Variants in MGAM2 observed in about 807,000 individuals in gnomAD.
MGAM2 encodes probable maltase-glucoamylase 2.
MGAM2 carries 98 observed loss-of-function variants against 96.1 expected under a neutral mutation model. The observed-to-expected ratio is 1.02, with a 90% confidence interval of 0.87 to 1.21. The LOEUF (loss-of-function observed/expected upper bound fraction) is 1.21. MGAM2 is among the 50% of genes most tolerant of loss of function. The probability of loss-of-function intolerance (pLI) is 0.00; values close to 1 mark genes in which losing one functional copy is unlikely to be tolerated. For synonymous variants in MGAM2, 749 were observed against 414.8 expected, an observed-to-expected ratio of 1.81 and a Z score of -9.79; for missense variants, 2,055 against 1,182.4, an observed-to-expected ratio of 1.74 and a Z score of -10.82.
chr7:142,176,751 A>T (rs1245968096), intron 32 of MGAM2, among the ~76,000 whole-genome samples: 1 of 152,210 alleles, frequency 6.6e-6, no homozygotes, highest in Non-Finnish European at 1.5e-5. Flanking sequence ...CTCTGGAAAC[A>T]TGATAAATTG....
intron 10 of MGAM2, among the ~76,000 whole-genome samples, chr7:142,139,157 T>C (rs773746001): frequency 1.3e-5 from 2 of 152,206 alleles, no homozygotes; most frequent in African/African-American, 2.4e-5. Flanking sequence ...TGACCTCATA[T>C]ACTCCTCCCA....
chr7:142,187,903 T>C, intron 36 of MGAM2, 69 bp downstream of exon 36: 1 of 674,708 alleles, frequency 1.5e-6, no homozygotes, highest in Non-Finnish European at 2.7e-6. Flanking sequence ...CCTTTTACTG[T>C]CAAAGTGAAG....
At chr7:142,201,655 C>T (rs1230370295) in intron 45 of MGAM2, among the ~76,000 whole-genome samples, 29 of 152,130 alleles carry the variant, frequency 1.9e-4, no homozygotes, top group Admixed American at 1.9e-3. Flanking sequence ...TGCAGTTAGC[C>T]TACAATAGTT....
intron 23 of MGAM2, among the ~76,000 whole-genome samples, chr7:142,164,370 A>T (rs1795970771): frequency 6.6e-6 from 1 of 152,308 alleles, no homozygotes; most frequent in East Asian, 1.9e-4. Context: ...CTGCCGTGAA[A>T]ACTGAATGAA....
At chr7:142,123,120 C>A (rs927763954) in intron 3 of MGAM2, among the ~76,000 whole-genome samples, 62 of 152,164 alleles carry the variant, frequency 4.1e-4, no homozygotes, top group African/African-American at 1.4e-3. Flanking sequence ...CCGCGCCCGA[C>A]CTCAAAATTA....
At chr7:142,141,765 G>A (rs1795238052) in intron 12 of MGAM2, among the ~76,000 whole-genome samples, 1 of 152,130 alleles carries the variant, frequency 6.6e-6, no homozygotes, top group Admixed American at 6.5e-5. Flanking sequence ...CTCCCAAACT[G>A]CTGGGATTAC....
At chr7:142,144,803 C>T (rs1367460818) in intron 13 of MGAM2, 58 bp from the exon 14 acceptor site, 5 of 661,750 alleles carry the variant, frequency 7.6e-6, no homozygotes, top group Non-Finnish European at 1.4e-5. Context: ...AAGCGTTTCT[C>T]AACAGCTAAA....
rs908411949 is a variant in MGAM2 at position 142,176,111 on chromosome 7, G to T, written c.3816+331G>T. Among the ~76,000 whole-genome samples the T allele has an allele frequency of 4.0e-5, 5 of 125,600 alleles. No individual in the cohort carries two copies. In the South Asian group the frequency reaches 1.2e-3, roughly 29 times the overall value. 82.4% of individuals were successfully genotyped at this position (125,600 alleles called of 152,430 possible). On this transcript the variant is annotated intron_variant, in intron 32 of 47. Coordinates refer to ENST00000477922, the MANE Select transcript of MGAM2 (RefSeq NM_001293626.2). ...TGAAGATAGCAAAAAAAAAAAAAGG[G>T]GGGGGCATCTCACTGTTTCAGGCTA...
chr7:142,205,701 C>T (rs1797382478), intron 45 of MGAM2, among the ~76,000 whole-genome samples: 1 of 152,074 alleles, frequency 6.6e-6, no homozygotes, highest in South Asian at 2.1e-4. Context: ...TAGAATTTAG[C>T]TAAAAGTCCC....
intron 31 of MGAM2, among the ~76,000 whole-genome samples, chr7:142,175,204 G>A (rs937177085): frequency 1.3e-5 from 2 of 152,110 alleles, no homozygotes; most frequent in South Asian, 4.1e-4. Flanking sequence ...TGTGAGATAT[G>A]TTCCTTTAGT....
intron 46 of MGAM2, among the ~76,000 whole-genome samples, chr7:142,213,695 C>A (rs1458878133): frequency 6.6e-6 from 1 of 152,034 alleles, no homozygotes; most frequent in Non-Finnish European, 1.5e-5. Context: ...GCCTACCAAC[C>A]AAAACAGCCC....
intron 45 of MGAM2, among the ~76,000 whole-genome samples, chr7:142,207,755 A>G (rs993351985): frequency 2.0e-5 from 3 of 152,134 alleles, no homozygotes; most frequent in African/African-American, 7.2e-5. Flanking sequence ...TTTAAGATGT[A>G]TGGTAATAAA....
At chr7:142,126,531 T>C (rs994365430) in intron 3 of MGAM2, among the ~76,000 whole-genome samples, 7 of 152,228 alleles carry the variant, frequency 4.6e-5, no homozygotes, top group Non-Finnish European at 2.9e-5. Context: ...TTCACAATTT[T>C]TCATGGTCAC....
intron 23 of MGAM2, among the ~76,000 whole-genome samples, chr7:142,164,430 C>T (rs1206598942): frequency 6.6e-6 from 1 of 152,138 alleles, no homozygotes; most frequent in East Asian, 1.9e-4. Flanking sequence ...AATACACACT[C>T]AGATTATTCT....
At chr7:142,201,799 G>A (rs1585213441) in intron 45 of MGAM2, among the ~76,000 whole-genome samples, 2 of 152,204 alleles carry the variant, frequency 1.3e-5, no homozygotes, top group Middle Eastern at 3.4e-3. Context: ...TAAAGTACAC[G>A]GGAGGATGTG....
intron 28 of MGAM2, among the ~76,000 whole-genome samples, chr7:142,171,717 C>T (rs1487042992): frequency 1.4e-5 from 2 of 141,760 alleles, no homozygotes; most frequent in African/African-American, 2.7e-5. Context: ...TTTTATTTAT[C>T]TCACAAACTT....
chr7:142,183,436 C>G (rs1189143696), intron 33 of MGAM2, 63 bp downstream of exon 33: 2 of 680,128 alleles, frequency 2.9e-6, no homozygotes, highest in African/African-American at 1.8e-5. Context: ...TAAAACAGCT[C>G]TCAATACACA....
chr7:142,221,031 C>T lies in MGAM2; in HGVS notation c.6520C>T (p.Pro2174Ser), dbSNP rs1234266307. Residue 2174 changes from proline to serine, a missense_variant, in exon 48 of 48, where the codon CCT (proline) becomes TCT (serine). Transcript: ENST00000477922. ...TCATACAAGTACTGATGATACTGTTCCTAATAATACTGTTCCAGTTACAGC... is the reference window on the plus strand; with the variant it reads ...TCATACAAGTACTGATGATACTGTTTCTAATAATACTGTTCCAGTTACAGC... ...TSHTSTDDTV[P>S]NNTVPVTAIP... is the part of the protein sequence containing the mutation. 1.4e-6 allele frequency: 1 copy of T among 702,424 alleles called. No homozygotes were observed. The highest frequency in any genetic ancestry group is 2.0e-5 in the Admixed American group (1 of 49,956). 43.5% of individuals were successfully genotyped at this position (702,424 alleles called of 1,614,324 possible). A position where few individuals can be genotyped will look rare whatever the true frequency, so the allele number is the denominator to read the frequency against.
intron 12 of MGAM2, among the ~76,000 whole-genome samples, chr7:142,142,591 C>CACGATCTCAGCTCACTGCA (rs1179406584): frequency 7.6e-6 from 1 of 132,184 alleles, no homozygotes; most frequent in Non-Finnish European, 1.5e-5. Context: ...AGTGCAGTGG[C>CACGATCTCAGCTCACTGCA]ACGATCTCAG....
Sources: allele counts gnomAD v4.1 joint callset (sites outside exome capture counted in the v4.1 genomes callset), GRCh38; gene constraint gnomAD v4.1.1; transcripts MANE v1.5; gene names NCBI Gene and HGNC (gene_info 2026-07-23, HGNC 2026-07-21).